The following DTNA variants were observed in gnomAD, a reference collection of about 807,000 sequenced individuals.
DTNA encodes dystrophin-related protein 3.
A neutral mutation model predicts 100.7 loss-of-function variants in DTNA; 43 were observed. That is an observed-to-expected ratio of 0.43 (90% CI 0.33 to 0.55). DTNA has a LOEUF of 0.55. Ranked by LOEUF, DTNA falls within the 20% of genes least tolerant of loss-of-function variation. The pLI is 0.04. For synonymous variants in DTNA, 349 were observed against 347.9 expected, an observed-to-expected ratio of 1.00 and a Z score of -0.04; for missense variants, 798 against 953.9, an observed-to-expected ratio of 0.84 and a Z score of 2.15.
intron 3 of DTNA, among the ~76,000 whole-genome samples, chr18:34,766,595 C>G (rs1190143120): frequency 6.6e-6 from 1 of 152,056 alleles, no homozygotes; most frequent in Admixed American, 6.5e-5. Flanking sequence ...ATGGGTGCAG[C>G]ACACCAACAT....
chr18:34,546,369 T>A (rs111457197), intron 1 of DTNA, among the ~76,000 whole-genome samples: 189 of 152,212 alleles, frequency 1.2e-3, no homozygotes, highest in Non-Finnish European at 1.9e-3. Flanking sequence ...ATCTGCCCTA[T>A]CAAGTGAGCC....
chr18:34,690,903 C>G (rs1435974813), intron 1 of DTNA, among the ~76,000 whole-genome samples: 3 of 152,116 alleles, frequency 2.0e-5, no homozygotes, highest in Non-Finnish European at 4.4e-5. Flanking sequence ...CCTAAACAAC[C>G]CTATAACATA....
chr18:34,687,353 T>G (rs1177902194), intron 1 of DTNA, among the ~76,000 whole-genome samples: 1 of 152,222 alleles, frequency 6.6e-6, no homozygotes, highest in Non-Finnish European at 1.5e-5. Context: ...TTTCTTCTCA[T>G]TGGTTTCAAA....
chr18:34,790,549 C>CTATATATATATATATATATATATATATA (rs67141918), intron 3 of DTNA, among the ~76,000 whole-genome samples: 2 of 96,194 alleles, frequency 2.1e-5, no homozygotes, highest in African/African-American at 9.4e-5. Context: ...AAGCAGCATA[C>CTATATATATATATATATATATATATATA]TATATATATA....
At chr18:34,615,954 T>A (rs180799915) in intron 1 of DTNA, among the ~76,000 whole-genome samples, 13 of 152,318 alleles carry the variant, frequency 8.5e-5, no homozygotes, top group South Asian at 6.2e-4. Context: ...TTCCATAGAG[T>A]ATATGTTCCA....
In DTNA at chr18:34,701,969, C is replaced by T. The variant is rs530144928; in HGVS notation, c.-1-54007C>T. Among the ~76,000 whole-genome samples the T allele has an allele frequency of 3.9e-5, 6 of 152,286 alleles. No homozygotes were observed. In the South Asian group the frequency reaches 1.2e-3, roughly 32 times the overall value. ...CATAGACAGAGTGTTATTTTAAAAA[C>T]AAAAGTTGTGTTTTATCACTATTAT... On this transcript the variant is annotated intron_variant, in intron 1 of 19. Transcript: ENST00000283365.
chr18:34,548,575 A>C (rs2045056052), intron 1 of DTNA, among the ~76,000 whole-genome samples: 1 of 152,094 alleles, frequency 6.6e-6, no homozygotes, highest in African/African-American at 2.4e-5. Context: ...CTTTGATTTA[A>C]GGGCATTGAA....
In DTNA at chr18:34,534,528, A is replaced by T. The variant is rs140578106; in HGVS notation, c.-2+41014A>T. Among the ~76,000 whole-genome samples the T allele has an allele frequency of 1.3e-3, 197 of 152,086 alleles. 1 individual carries two copies. The highest frequency in any genetic ancestry group is 3.4e-3 in the Middle Eastern group (1 of 294). ...TCTGGAATACATGCACAGAACATGC[A>T]GGTTTGTTAGATAGGTATACGTGTT... On this transcript the variant is annotated intron_variant, in intron 1 of 19. Transcript: ENST00000283365.
At chr18:34,590,973 C>T (rs954370259) in intron 1 of DTNA, among the ~76,000 whole-genome samples, 5 of 152,114 alleles carry the variant, frequency 3.3e-5, no homozygotes, top group African/African-American at 9.7e-5. Context: ...ATGGAAATAG[C>T]AGCAGAGATA....
At chr18:34,590,871 GA>G (rs1037188455) in intron 1 of DTNA, among the ~76,000 whole-genome samples, 2 of 151,988 alleles carry the variant, frequency 1.3e-5, no homozygotes, top group Non-Finnish European at 2.9e-5. Flanking sequence ...GAAAAAGAAG[GA>G]AAAAAATGAT....
chr18:34,817,248 T>C (rs980973675), intron 7 of DTNA, among the ~76,000 whole-genome samples: 1 of 152,202 alleles, frequency 6.6e-6, no homozygotes, highest in Non-Finnish European at 1.5e-5. Flanking sequence ...GCTAGTTATG[T>C]CTTTGTTTTT....
Position 34,794,142 on chromosome 18 carries a change from T to G in DTNA, c.254T>G (p.Leu85Arg). ...ELNVSRLEAVLSTIFYQLNKR... is the reference protein window; with the variant it reads ...ELNVSRLEAVRSTIFYQLNKR... Reference sequence around the variant, plus strand: ...AACGTGTCCCGCTTAGAGGCTGTGCTCTCCACTATTTTTTACCAGCTCAAC... The same window carrying G: ...AACGTGTCCCGCTTAGAGGCTGTGCGCTCCACTATTTTTTACCAGCTCAAC... The change falls in exon 4 of 23, where the codon CTC (leucine) becomes CGC (arginine). Residue 85 changes from leucine (L) to arginine (R), a missense_variant. Leu to Arg is a moderately radical substitution (Grantham distance 102). Around this residue, in one of 6 missense-constraint regions of DTNA, gnomAD observed 197 missense variants for 215.4 expected, o/e 0.91. Transcript: ENST00000444659. 6.2e-7 allele frequency: 1 copy of G among 1,614,098 alleles called. No individual in the cohort carries two copies. Among genetic ancestry groups the G allele is most frequent in the South Asian group, 1.1e-5 (1 of 91,076 alleles).
intron 1 of DTNA, among the ~76,000 whole-genome samples, chr18:34,510,167 C>T (rs745595170): frequency 1.3e-5 from 2 of 149,650 alleles, no homozygotes; most frequent in Non-Finnish European, 3.0e-5. Flanking sequence ...TGACAGATAT[C>T]AGCGTTTCAC....
chr18:34,719,102 T>A (rs1600758219), intron 1 of DTNA, among the ~76,000 whole-genome samples: 1 of 151,730 alleles, frequency 6.6e-6, no homozygotes, highest in Non-Finnish European at 1.5e-5. Flanking sequence ...CTAAGGTGGG[T>A]GGATCACCTG....
chr18:34,765,157 T>C (rs986613684), intron 2 of DTNA, among the ~76,000 whole-genome samples: 8 of 152,174 alleles, frequency 5.3e-5, no homozygotes, highest in African/African-American at 1.9e-4. Context: ...CTTTTAGACC[T>C]GATGTTCTGG....
intron 1 of DTNA, among the ~76,000 whole-genome samples, chr18:34,517,980 G>T (rs2041815332): frequency 6.6e-6 from 1 of 152,110 alleles, no homozygotes; most frequent in African/African-American, 2.4e-5. Flanking sequence ...TGCAATTGCT[G>T]GATGTTTAGT....
chr18:34,884,684 C>T, intron 21 of DTNA, 44 bp from the exon 22 acceptor site: 1 of 1,610,636 alleles, frequency 6.2e-7, no homozygotes. Context: ...GCATCACAGA[C>T]TTGACGTGTC....
In DTNA at chr18:34,811,949, C is replaced by G; in HGVS notation, c.449-10C>G. Reference sequence around the variant, plus strand: ...GTGATGAATAATATCTTTCCTTTTCCTTTCATCAGATATTTTCTCAATGAT... The same window carrying G: ...GTGATGAATAATATCTTTCCTTTTCGTTTCATCAGATATTTTCTCAATGAT... On this transcript the variant is annotated splice_polypyrimidine_tract_variant and intron_variant, in intron 5 of 22. Transcript: ENST00000444659. 1 of 1,613,724 alleles carries G rather than the reference C, an allele frequency of 6.2e-7. No homozygotes were observed. Among genetic ancestry groups the G allele is most frequent in the Non-Finnish European group, 8.5e-7 (1 of 1,179,792 alleles).
intron 1 of DTNA, among the ~76,000 whole-genome samples, chr18:34,739,950 A>C (rs1392818339): frequency 6.6e-6 from 1 of 152,084 alleles, no homozygotes; most frequent in Admixed American, 6.6e-5. Flanking sequence ...TCTGGCTTTT[A>C]TTTGAGATGT....
Sources: allele counts gnomAD v4.1 joint callset (sites outside exome capture counted in the v4.1 genomes callset), GRCh38; gene constraint gnomAD v4.1.1; regional missense constraint gnomAD v4.1.1; transcripts MANE v1.5; gene names NCBI Gene and HGNC (gene_info 2026-07-23, HGNC 2026-07-21).